SORCS2: variants seen among roughly 807,000 people sequenced by gnomAD.
The protein encoded by SORCS2 is sortilin related VPS10 domain containing receptor 2, also known as VPS10 domain-containing receptor SorCS2.
SORCS2 carries 100 observed loss-of-function variants against 141.6 expected under a neutral mutation model. That is an observed-to-expected ratio of 0.71 (90% CI 0.60 to 0.83). The LOEUF (loss-of-function observed/expected upper bound fraction) is 0.83. Ranked by LOEUF, SORCS2 falls within the 40% of genes least tolerant of loss-of-function variation. The pLI is 0.00. For synonymous variants in SORCS2, 789 were observed against 676.9 expected, an observed-to-expected ratio of 1.17 and a Z score of -2.57; for missense variants, 1,646 against 1,560.2, an observed-to-expected ratio of 1.05 and a Z score of -0.93.
chr4:7,301,799 G>A (rs1717451345), intron 1 of SORCS2, among the ~76,000 whole-genome samples: 1 of 152,236 alleles, frequency 6.6e-6, no homozygotes, highest in African/African-American at 2.4e-5. Flanking sequence ...CGCTCTGCAT[G>A]TTTCTGGATT....
intron 1 of SORCS2, among the ~76,000 whole-genome samples, chr4:7,378,961 A>T (rs1247624183): frequency 6.6e-6 from 1 of 152,190 alleles, no homozygotes; most frequent in Non-Finnish European, 1.5e-5. Context: ...GATGGACAGC[A>T]AAAGACAGCC....
At chr4:7,564,508 G>A (rs897910480) in intron 3 of SORCS2, among the ~76,000 whole-genome samples, 1 of 152,192 alleles carries the variant, frequency 6.6e-6, no homozygotes, top group Non-Finnish European at 1.5e-5. Flanking sequence ...CTGCAAATAG[G>A]GTCATGTTCT....
intron 1 of SORCS2, among the ~76,000 whole-genome samples, chr4:7,373,520 G>T: frequency 3.2e-5 from 3 of 94,648 alleles, no homozygotes; most frequent in Admixed American, 1.5e-4. Flanking sequence ...TCGGGGTCTC[G>T]CTCTGTCACC....
At chr4:7,559,673 C>G (rs1413834171) in intron 3 of SORCS2, among the ~76,000 whole-genome samples, 1 of 152,216 alleles carries the variant, frequency 6.6e-6, no homozygotes, top group Non-Finnish European at 1.5e-5. Flanking sequence ...TGTCTTGCAC[C>G]TGCCCACTGT....
At chr4:7,285,004 C>G (rs1577355073) in intron 1 of SORCS2, among the ~76,000 whole-genome samples, 2 of 150,882 alleles carry the variant, frequency 1.3e-5, no homozygotes, top group East Asian at 3.9e-4. Context: ...GACCTACCCG[C>G]TCACCTGGGA....
At chr4:7,624,919 C>T (rs547610073) in intron 3 of SORCS2, among the ~76,000 whole-genome samples, 16 of 152,328 alleles carry the variant, frequency 1.1e-4, no homozygotes, top group African/African-American at 1.4e-4. Context: ...AGGAGGAGGA[C>T]GGCGGGGGCT....
chr4:7,502,848 C>A lies in SORCS2; in HGVS notation c.549-28682C>A, dbSNP rs905571140. 2.6e-5 allele frequency among the ~76,000 whole-genome samples: 4 copies of A among 152,386 alleles called. No individual in the cohort carries two copies. The East Asian group carries it at 5.8e-4, about 22-fold the overall frequency. The stretch of plus-strand genomic sequence containing the variant: ...TCCACGCTGCACACCAGATTCATTT[C>A]TTCCGCTGTGGCGACTGAGGGAGAG... On this transcript the variant is annotated intron_variant, in intron 2 of 26. Transcript: ENST00000507866.
rs182820913 is a variant in SORCS2, at chr4:7,651,753, C to T, written c.814-2381C>T. Among the ~76,000 whole-genome samples, 167 of 152,328 alleles carry T rather than the reference C, an allele frequency of 1.1e-3. No homozygotes were observed. The East Asian group carries it at 0.025, about 23-fold the overall frequency. On this transcript the variant is annotated intron_variant, in intron 4 of 26. Transcript: ENST00000507866. ...CTAGCAACCTCCTCCCAACCCAGAACAGAGGGCCTTGACCCCCGCAGGGCC... is the reference window on the plus strand; with the variant it reads ...CTAGCAACCTCCTCCCAACCCAGAATAGAGGGCCTTGACCCCCGCAGGGCC...
intron 1 of SORCS2, among the ~76,000 whole-genome samples, chr4:7,212,923 G>A (rs1728134794): frequency 6.6e-6 from 1 of 152,208 alleles, no homozygotes; most frequent in African/African-American, 2.4e-5. Context: ...TCTCGTCATT[G>A]GGGGGTCATC....
chr4:7,300,511 C>T (rs185441605), intron 1 of SORCS2, among the ~76,000 whole-genome samples: 45 of 152,312 alleles, frequency 3.0e-4, no homozygotes, highest in Admixed American at 2.6e-3. Context: ...AGTGATGAAG[C>T]GGTGGCATGA....
At chr4:7,533,934 G>C (rs28536491) in intron 3 of SORCS2, among the ~76,000 whole-genome samples, 42,288 of 151,872 alleles carry the variant, frequency 0.28, 8,343 homozygotes, top group African/African-American at 0.57. Context: ...GGCTGGGGCT[G>C]CGATGTGGGG....
At chr4:7,534,895 C>G (rs1328660435) in intron 3 of SORCS2, among the ~76,000 whole-genome samples, 1 of 152,208 alleles carries the variant, frequency 6.6e-6, no homozygotes, top group Non-Finnish European at 1.5e-5. Flanking sequence ...AGGAGGCTGA[C>G]ACAGCTGCTG....
rs988580306 is a variant in SORCS2, at chr4:7,741,233, G to C, written c.*969G>C. On this transcript the variant is annotated 3_prime_UTR_variant, in exon 27 of 27. Transcript: ENST00000507866. ...ACCGGGTGGAAACCAAGCTGGGAGAGGCTGAGGATGGCAGGGCTGGAAGGG... is the reference window on the plus strand; with the variant it reads ...ACCGGGTGGAAACCAAGCTGGGAGACGCTGAGGATGGCAGGGCTGGAAGGG... 1 of 398,894 alleles carries C rather than the reference G, an allele frequency of 2.5e-6. No individual in the cohort carries two copies. Among genetic ancestry groups the C allele is most frequent in the Non-Finnish European group, 4.4e-6 (1 of 226,140 alleles). The allele number at this position is 398,894 out of a possible 1,614,324, so 24.7% of individuals were successfully genotyped here.
At position 7,491,555 on chromosome 4, in the gene SORCS2, G is replaced by A. The variant is rs115711234; in HGVS notation, c.549-39975G>A. Among the ~76,000 whole-genome samples, 965 of 152,348 alleles carry A rather than the reference G, an allele frequency of 6.3e-3. 12 individuals carry two copies. Among genetic ancestry groups the A allele is most frequent in the African/African-American group, 0.022 (906 of 41,584 alleles). ...TGAATCCATGCAGAGGGAACACCTT[G>A]GCTAGGACCTCTCTGGATTGACTTC... On this transcript the variant is annotated intron_variant, in intron 2 of 26. Coordinates refer to ENST00000507866, the MANE Select transcript of SORCS2 (RefSeq NM_020777.3).
At chr4:7,519,352 C>T (rs1577687811) in intron 2 of SORCS2, among the ~76,000 whole-genome samples, 1 of 152,222 alleles carries the variant, frequency 6.6e-6, no homozygotes, top group South Asian at 2.1e-4. Flanking sequence ...ACCACAATGC[C>T]ACTTCCCTCC....
intron 5 of SORCS2, among the ~76,000 whole-genome samples, chr4:7,658,273 G>C (rs1465378076): frequency 7.1e-6 from 1 of 140,562 alleles, no homozygotes; most frequent in Non-Finnish European, 1.5e-5. Context: ...ATGAGTCTGT[G>C]ATTGAGCAAG....
intron 1 of SORCS2, among the ~76,000 whole-genome samples, chr4:7,246,520 G>A (rs1005807436): frequency 2.0e-5 from 3 of 152,044 alleles, no homozygotes; most frequent in African/African-American, 7.3e-5. Flanking sequence ...TCTCACCTGG[G>A]GCTTAAATGA....
At position 7,611,413 on chromosome 4, in the gene SORCS2, C is replaced by T. The variant is rs531409838; in HGVS notation, c.649-26915C>T. 4.6e-5 allele frequency among the ~76,000 whole-genome samples: 7 copies of T among 152,316 alleles called. No homozygotes were observed. In the East Asian group the frequency reaches 7.7e-4, roughly 17 times the overall value. ...ACATAGATTCCTTCCGCCCTCTCAG[C>T]CCCAAGGGAAACCGGCCGACCAGCA... On this transcript the variant is annotated intron_variant, in intron 3 of 26. Transcript: ENST00000507866.
Position 7,434,442 on chromosome 4 carries a change from G to A in SORCS2, c.548+38087G>A, listed in dbSNP as rs772157055. On this transcript the variant is annotated intron_variant, in intron 2 of 26. Coordinates refer to ENST00000507866, the MANE Select transcript of SORCS2 (RefSeq NM_020777.3). ...TGGAGAGTGGCCTCAGGGTGGCCAGGTGCCTCTGCAGCGGCTCACAGAGGC... is the reference window on the plus strand; with the variant it reads ...TGGAGAGTGGCCTCAGGGTGGCCAGATGCCTCTGCAGCGGCTCACAGAGGC... 15 of 1,610,064 alleles carry A rather than the reference G, an allele frequency of 9.3e-6. No homozygotes were observed. In the East Asian group the frequency reaches 3.3e-4, roughly 36 times the overall value.
Sources: gnomAD v4.1 joint callset for allele counts (sites outside exome capture counted in the v4.1 genomes callset) on GRCh38, gnomAD v4.1.1 for gene constraint, MANE v1.5 for transcripts, NCBI Gene and HGNC (gene_info 2026-07-23, HGNC 2026-07-21) for gene names.